Variants in PRIM2 observed in about 807,000 individuals in gnomAD.
PRIM2 encodes the protein DNA primase large subunit.
PRIM2 carries 39 observed loss-of-function variants against 67.3 expected under a neutral mutation model. The observed-to-expected ratio is 0.58, with a 90% CI of 0.45 to 0.76. The LOEUF (loss-of-function observed/expected upper bound fraction) is 0.76, where lower values mean the gene tolerates loss of function less well. Ranked by LOEUF, PRIM2 falls within the 30% of genes least tolerant of loss-of-function variation. The pLI is 0.00. For missense variants in PRIM2, 398 were observed against 598.7 expected (o/e 0.66, Z 3.50); for synonymous variants, 143 against 198.7 (o/e 0.72, Z 2.36).
At chr6:57,560,403 C>T (rs1403352565) in intron 10 of PRIM2, among the ~76,000 whole-genome samples, 1 of 148,870 alleles carries the variant, frequency 6.7e-6, no homozygotes, top group African/African-American at 2.5e-5. Flanking sequence ...CAAAGTCATC[C>T]GTGAAGGTTG....
intron 7 of PRIM2, among the ~76,000 whole-genome samples, chr6:57,463,302 G>A (rs1274989843): frequency 6.6e-6 from 1 of 152,092 alleles, no homozygotes; most frequent in African/African-American, 2.4e-5. Context: ...TACCAGTTTG[G>A]GCAACATGGT....
At chr6:57,341,618 T>C (rs1768494535) in intron 5 of PRIM2, among the ~76,000 whole-genome samples, 1 of 152,220 alleles carries the variant, frequency 6.6e-6, no homozygotes, top group Non-Finnish European at 1.5e-5. Context: ...ATTTCATTAA[T>C]AGGAACATGC....
intron 10 of PRIM2, among the ~76,000 whole-genome samples, chr6:57,577,553 C>T (rs1193167111): frequency 2.6e-5 from 4 of 151,746 alleles, no homozygotes; most frequent in Admixed American, 6.6e-5. Context: ...CTCAGCCTCC[C>T]GAGTAGCTGG....
chr6:57,420,281 G>T (rs1360663684), intron 7 of PRIM2, among the ~76,000 whole-genome samples: 1 of 152,152 alleles, frequency 6.6e-6, no homozygotes, highest in African/African-American at 2.4e-5. Flanking sequence ...AAGGCGGGTA[G>T]ATCACGAGGT....
chr6:57,514,009 A>G (rs1774427386), intron 8 of PRIM2, among the ~76,000 whole-genome samples: 3 of 152,230 alleles, frequency 2.0e-5, no homozygotes, highest in African/African-American at 7.2e-5. Context: ...ACTTATAGTA[A>G]GTACTTGGAC....
intron 10 of PRIM2, among the ~76,000 whole-genome samples, chr6:57,582,651 T>G (rs1347574436): frequency 6.6e-6 from 1 of 152,156 alleles, no homozygotes; most frequent in Non-Finnish European, 1.5e-5. Flanking sequence ...CGTGGTTCAG[T>G]GCGACTTTCA....
At chr6:57,277,549 G>T in the PRIM2 span, among the ~76,000 whole-genome samples, 1 of 152,154 alleles carries the variant, frequency 6.6e-6, no homozygotes, top group African/African-American at 2.4e-5. Context: ...TGTGTTGGAG[G>T]CAAGCAGAGT....
intron 5 of PRIM2, among the ~76,000 whole-genome samples, chr6:57,355,197 G>A (rs1313376301): frequency 8.6e-5 from 13 of 152,046 alleles, no homozygotes; most frequent in Admixed American, 1.3e-4. Flanking sequence ...CCAGCTACTC[G>A]GGAGGCTGAG....
At chr6:57,622,026 C>T (rs1776866689) in intron 12 of PRIM2, among the ~76,000 whole-genome samples, 1 of 152,042 alleles carries the variant, frequency 6.6e-6, no homozygotes, top group Non-Finnish European at 1.5e-5. Context: ...CCTCGGCTCA[C>T]TGCAACCTCT....
upstream of PRIM2, among the ~76,000 whole-genome samples, chr6:57,314,063 CT>C (rs1427622528): frequency 2.6e-5 from 4 of 152,188 alleles, no homozygotes; most frequent in Non-Finnish European, 5.9e-5. Context: ...TTATTACAGG[CT>C]AAACTAGGAA....
chr6:57,470,782 T>A (rs1219673242), intron 7 of PRIM2, among the ~76,000 whole-genome samples: 2 of 152,072 alleles, frequency 1.3e-5, no homozygotes, highest in Non-Finnish European at 2.9e-5. Context: ...GTATTTTCAT[T>A]TTTATGGTTC....
At chr6:57,280,396 T>A in the PRIM2 span, among the ~76,000 whole-genome samples, 237 of 152,242 alleles carry the variant, frequency 1.6e-3, 4 homozygotes, top group Admixed American at 0.014. Flanking sequence ...CTTTTTTTTT[T>A]AAATAAACTT....
intron 5 of PRIM2, among the ~76,000 whole-genome samples, chr6:57,357,764 G>T (rs2208351): frequency 6.6e-6 from 1 of 151,980 alleles, no homozygotes. Context: ...CCTGGCTAAT[G>T]TTTGTATTTT....
At chr6:57,227,469 C>A in the PRIM2 span, among the ~76,000 whole-genome samples, 1 of 151,984 alleles carries the variant, frequency 6.6e-6, no homozygotes, top group African/African-American at 2.4e-5. Flanking sequence ...CATGGTGAAA[C>A]CCCATCTCTA....
At chr6:57,455,420 T>G (rs1408617931) in intron 7 of PRIM2, among the ~76,000 whole-genome samples, 4 of 152,200 alleles carry the variant, frequency 2.6e-5, no homozygotes, top group Non-Finnish European at 5.9e-5. Flanking sequence ...TGTGGTAGTC[T>G]AAGTCTCTTT....
chr6:57,589,195 C>T (rs1362023826), intron 10 of PRIM2, among the ~76,000 whole-genome samples: 1 of 152,132 alleles, frequency 6.6e-6, no homozygotes, highest in Non-Finnish European at 1.5e-5. Flanking sequence ...AGAGTATGCA[C>T]CTAGAATGAT....
intron 13 of PRIM2, among the ~76,000 whole-genome samples, chr6:57,644,273 C>T (rs1350367743): frequency 6.6e-6 from 1 of 152,018 alleles, no homozygotes; most frequent in Non-Finnish European, 1.5e-5. Context: ...CTTTACCTTG[C>T]TCATGTGGTC....
chr6:57,611,614 A>G (rs1776667497), intron 12 of PRIM2, among the ~76,000 whole-genome samples: 1 of 152,182 alleles, frequency 6.6e-6, no homozygotes, highest in East Asian at 1.9e-4. Flanking sequence ...CTAGACATAT[A>G]CCTCCAAGCT....
At chr6:57,554,645 C>T (rs1775474427) in intron 10 of PRIM2, among the ~76,000 whole-genome samples, 1 of 152,180 alleles carries the variant, frequency 6.6e-6, no homozygotes. Flanking sequence ...GTTCTCCCCA[C>T]CCATCTCTTG....
Sources: gnomAD v4.1 joint callset for allele counts (sites outside exome capture counted in the v4.1 genomes callset) on GRCh38, gnomAD v4.1.1 for gene constraint, MANE v1.5 for transcripts, NCBI Gene and HGNC (gene_info 2026-07-23, HGNC 2026-07-21) for gene names.